Variants in LIMS2 observed in about 807,000 individuals in gnomAD.
LIMS2 encodes LIM zinc finger domain containing 2, also known as LIM and senescent cell antigen-like-containing domain protein 2.
A neutral mutation model predicts 45.3 loss-of-function variants in LIMS2; 30 were observed. That is an observed-to-expected ratio of 0.66 (90% confidence interval 0.50 to 0.90). LIMS2 has a LOEUF of 0.90. LIMS2 is among the 40% of genes least tolerant of loss of function. The probability of loss-of-function intolerance (pLI) is 0.00; values close to 1 mark genes in which losing one functional copy is unlikely to be tolerated. For synonymous variants in LIMS2, 173 were observed against 188.0 expected (o/e 0.92, Z 0.65); for missense variants, 485 against 468.7 (o/e 1.03, Z -0.32).
intron 7 of LIMS2, 43 bp downstream of exon 7, chr2:127,640,853 C>A: frequency 1.3e-6 from 2 of 1,567,414 alleles, no homozygotes; most frequent in South Asian, 1.1e-5. Flanking sequence ...CTCCTGGCCA[C>A]CCCTCCAGAC....
At chr2:127,657,699 A>C in intron 1 of LIMS2, 137 bp from the exon 2 acceptor site, 1 of 981,086 alleles carries the variant, frequency 1.0e-6, no homozygotes, top group Non-Finnish European at 1.5e-6. Flanking sequence ...AATCGCTCTA[A>C]CCCAGGGTCC....
chr2:127,669,142 A>G (rs1685167426), intron 1 of LIMS2, among the ~76,000 whole-genome samples: 1 of 152,210 alleles, frequency 6.6e-6, no homozygotes, highest in Non-Finnish European at 1.5e-5. Context: ...ATTTTTGACA[A>G]GAGTGCCAAG....
chr2:127,673,134 C>T (rs1303178889), intron 1 of LIMS2, among the ~76,000 whole-genome samples: 1 of 152,160 alleles, frequency 6.6e-6, no homozygotes, highest in Non-Finnish European at 1.5e-5. Flanking sequence ...ACCAGCACTG[C>T]GGGCAGCAGG....
At chr2:127,645,510 G>A (rs910253252) in intron 4 of LIMS2, among the ~76,000 whole-genome samples, 7 of 152,202 alleles carry the variant, frequency 4.6e-5, no homozygotes, top group Non-Finnish European at 1.0e-4. Flanking sequence ...ATGGGCTTCC[G>A]TGCAGAAGGG....
In LIMS2 at chr2:127,653,209, G is replaced by A. The variant is rs1460801384; in HGVS notation, c.359+1215C>T. On this transcript the variant is annotated intron_variant, in intron 4 of 9. Coordinates refer to ENST00000355119, the MANE Select transcript of LIMS2 (RefSeq NM_001161403.3). This position sits in a 1 kb window ranked among gnomAD's most constrained non-coding sequence, Gnocchi z 5.3. The stretch of plus-strand genomic sequence containing the variant: ...CGGACAAGAGCTCGGTAGTGTCGGG[G>A]AAGCATCTCGGAGGAGCTGCGGGAG... 2.0e-5 allele frequency among the ~76,000 whole-genome samples: 3 copies of A among 152,224 alleles called. No homozygotes were observed. The highest frequency in any genetic ancestry group is 7.2e-5 in the African/African-American group (3 of 41,452).
chr2:127,663,745 C>T (rs974699637), intron 1 of LIMS2, among the ~76,000 whole-genome samples: 1 of 152,102 alleles, frequency 6.6e-6, no homozygotes, highest in Non-Finnish European at 1.5e-5. Flanking sequence ...CCGCTGGCCC[C>T]TCGGCACTGC....
At chr2:127,674,942 G>A (rs1030063964) in intron 1 of LIMS2, 72 bp downstream of exon 1, 5 of 1,224,750 alleles carry the variant, frequency 4.1e-6, no homozygotes, top group Non-Finnish European at 5.1e-6. Context: ...CTGTACGAGG[G>A]CGAGCTGCGC....
intron 2 of LIMS2, among the ~76,000 whole-genome samples, chr2:127,656,949 T>G (rs1296185687): frequency 1.3e-5 from 2 of 152,220 alleles, no homozygotes; most frequent in Non-Finnish European, 2.9e-5. Flanking sequence ...ACAGGGTATG[T>G]GCATATGCGG....
At chr2:127,649,275 C>T (rs1006031808) in intron 4 of LIMS2, among the ~76,000 whole-genome samples, 12 of 152,100 alleles carry the variant, frequency 7.9e-5, no homozygotes, top group African/African-American at 2.9e-4. Context: ...GGTGCAGAGC[C>T]AGGCTCGCCC....
intron 4 of LIMS2, chr2:127,644,137 TC>T (rs753159345): frequency 2.2e-6 from 1 of 456,068 alleles, no homozygotes; most frequent in African/African-American, 2.0e-5. Context: ...GGGTGTCTCA[TC>T]ATCAGCTGTG....
Position 127,664,225 on chromosome 2 carries a change from G to T in LIMS2, c.12-6663C>A. ...CCACGGCGTCGGAGGGCCCCGGTCG[G>T]GTTTCCGAGGGAAGGCCTGCCCTGC... On this transcript the variant is annotated intron_variant, in intron 1 of 9. Coordinates refer to ENST00000355119, the MANE Select transcript of LIMS2 (RefSeq NM_001161403.3). The surrounding 1 kb of genome is among the most constrained non-coding windows in gnomAD (Gnocchi z 5.5). 1 of 1,153,620 alleles carries T rather than the reference G, an allele frequency of 8.7e-7. No individual in the cohort carries two copies. The highest frequency in any genetic ancestry group is 1.1e-6 in the Non-Finnish European group (1 of 926,674). 71.5% of individuals were successfully genotyped at this position (1,153,620 alleles called of 1,614,324 possible).
intron 4 of LIMS2, among the ~76,000 whole-genome samples, chr2:127,650,266 C>G: frequency 6.6e-6 from 1 of 152,132 alleles, no homozygotes; most frequent in Non-Finnish European, 1.5e-5. Flanking sequence ...ACTCACCTGC[C>G]AAGGCTTGGG....
intron 1 of LIMS2, among the ~76,000 whole-genome samples, chr2:127,670,298 G>C (rs924459244): frequency 6.6e-6 from 1 of 152,176 alleles, no homozygotes; most frequent in African/African-American, 2.4e-5. Flanking sequence ...CCAGAAAAAG[G>C]AATGAAGTAC....
intron 4 of LIMS2, among the ~76,000 whole-genome samples, chr2:127,648,481 T>C (rs1174736326): frequency 1.3e-5 from 2 of 152,104 alleles, no homozygotes; most frequent in African/African-American, 4.8e-5. Flanking sequence ...GCCACCACCA[T>C]GCCTGCTTCT....
chr2:127,659,086 T>G (rs1684450148), intron 1 of LIMS2, among the ~76,000 whole-genome samples: 2 of 151,868 alleles, frequency 1.3e-5, no homozygotes, highest in South Asian at 4.2e-4. Context: ...GGTCTGGGCA[T>G]GGGCTGTGGG....
chr2:127,660,764 C>G (rs1684584531), intron 1 of LIMS2, among the ~76,000 whole-genome samples: 1 of 152,260 alleles, frequency 6.6e-6, no homozygotes, highest in African/African-American at 2.4e-5. Flanking sequence ...GTCAACCTGA[C>G]AGCAGCCTGG....
chr2:127,671,049 A>C lies in LIMS2; in HGVS notation c.11+3965T>G, dbSNP rs1037693846. 1.3e-5 allele frequency among the ~76,000 whole-genome samples: 2 copies of C among 152,196 alleles called. No homozygotes were observed. The highest frequency in any genetic ancestry group is 4.8e-5 in the African/African-American group (2 of 41,450). Reference sequence around the variant, plus strand: ...TAAATATTCACCTTCAGAAATGTACACGCTACACCTCAACAGAACAAGCAA... The same window carrying C: ...TAAATATTCACCTTCAGAAATGTACCCGCTACACCTCAACAGAACAAGCAA... On this transcript the variant is annotated intron_variant, in intron 1 of 9. Transcript: ENST00000355119. The surrounding 1 kb of genome is among the most constrained non-coding windows in gnomAD (Gnocchi z 4.1).
intron 1 of LIMS2, among the ~76,000 whole-genome samples, chr2:127,661,209 A>G (rs1050154897): frequency 2.0e-5 from 3 of 152,260 alleles, no homozygotes; most frequent in African/African-American, 7.2e-5. Flanking sequence ...CCCAGCCACC[A>G]GCCTGGGACC....
intron 1 of LIMS2, among the ~76,000 whole-genome samples, chr2:127,665,685 C>T (rs575939282): frequency 9.9e-5 from 15 of 152,246 alleles, no homozygotes; most frequent in Middle Eastern, 6.8e-3. Flanking sequence ...AAACTTACAC[C>T]GAAAATGTTC....
Sources: allele counts gnomAD v4.1 joint callset (sites outside exome capture counted in the v4.1 genomes callset), GRCh38; gene constraint gnomAD v4.1.1; non-coding constraint Gnocchi (gnomAD v3.1); transcripts MANE v1.5; gene names NCBI Gene and HGNC (gene_info 2026-07-23, HGNC 2026-07-21).